The following SYCE1L variants were observed in gnomAD, a reference collection of about 807,000 sequenced individuals.
The protein encoded by SYCE1L is synaptonemal complex central element protein 1-like.
In SYCE1L, 51 loss-of-function variants were observed where a neutral mutation model predicts 39.6. The ratio of observed to expected loss-of-function variants is 1.29; its 90% CI spans 1.03 to 1.63. The LOEUF (loss-of-function observed/expected upper bound fraction) is 1.63, where lower values mean the gene tolerates loss of function less well. Ranked by LOEUF, SYCE1L falls within the 40% of genes most tolerant of loss-of-function variation. The probability of loss-of-function intolerance (pLI) is 0.00; values close to 1 mark genes in which losing one functional copy is unlikely to be tolerated. For synonymous variants in SYCE1L, 147 were observed against 122.4 expected (o/e 1.20, Z -1.33); for missense variants, 426 against 304.9 (o/e 1.40, Z -2.96).
At chr16:77,212,691 C>A in intron 10 of SYCE1L, 45 bp downstream of exon 10, 1 of 1,489,092 alleles carries the variant, frequency 6.7e-7, no homozygotes, top group South Asian at 1.3e-5. Flanking sequence ...GGGACCGAGT[C>A]AGGAGAGAGC....
At chr16:77,211,310 C>T (rs1332399554) in intron 7 of SYCE1L, 34 bp downstream of exon 7, 1 of 1,550,698 alleles carries the variant, frequency 6.4e-7, no homozygotes. Context: ...ACCAAAGCCA[C>T]TCCTCCCTGG....
chr16:77,201,870 G>T (rs1486892990), intron 1 of SYCE1L: 2 of 152,112 alleles, frequency 1.3e-5, no homozygotes, highest in Non-Finnish European at 2.9e-5. Context: ...AGCTCCAAAA[G>T]AGATCGTATT....
chr16:77,205,537 A>G (rs1352855343), intron 1 of SYCE1L, among the ~76,000 whole-genome samples: 2 of 151,834 alleles, frequency 1.3e-5, no homozygotes, highest in African/African-American at 4.8e-5. Flanking sequence ...TATATGCCTC[A>G]AGTCTTTTTT....
Position 77,212,372 on chromosome 16 carries a change from G to A in SYCE1L, c.581+3G>A. The A allele has an allele frequency of 2.6e-6, 4 of 1,528,262 alleles. No individual in the cohort carries two copies. Among genetic ancestry groups the A allele is most frequent in the Non-Finnish European group, 3.5e-6 (4 of 1,139,032 alleles). 94.7% of individuals were successfully genotyped at this position (1,528,262 alleles called of 1,614,324 possible). A position where few individuals can be genotyped will look rare whatever the true frequency, so the allele number is the denominator to read the frequency against. On this transcript the variant is annotated splice_donor_region_variant and intron_variant, in intron 9 of 10. Transcript: ENST00000378644. ...GGCGCCATGGCGGTGAATGACGGGT[G>A]AGAGGGGAAGGGAGGAGTGGGCGAG...
chr16:77,201,917 A>G (rs982421138), intron 1 of SYCE1L: 4 of 152,202 alleles, frequency 2.6e-5, no homozygotes, highest in Non-Finnish European at 4.4e-5. Context: ...TGAAACAAAA[A>G]TGGAGGGGGG....
At chr16:77,200,788 C>T (rs188150959) in intron 1 of SYCE1L, 6 of 144,304 alleles carry the variant, frequency 4.2e-5, no homozygotes, top group African/African-American at 1.5e-4. Flanking sequence ...AGAAAAAAAT[C>T]TCCCAAGGCA....
intron 7 of SYCE1L, 91 bp from the exon 8 acceptor site, chr16:77,212,039 T>G: frequency 2.2e-6 from 3 of 1,373,578 alleles, no homozygotes; most frequent in South Asian, 2.8e-5. Context: ...CTAATGTAGG[T>G]GAAGACTTCG....
chr16:77,201,371 C>G (rs1222314569), intron 1 of SYCE1L: 1 of 152,126 alleles, frequency 6.6e-6, no homozygotes, highest in Non-Finnish European at 1.5e-5. Context: ...AAAGTTATGA[C>G]TAACTTCACC....
intron 1 of SYCE1L, chr16:77,200,291 T>TATATATACATATATATATATATATATAC: frequency 4.5e-5 from 5 of 111,430 alleles, no homozygotes; most frequent in African/African-American, 1.7e-4. Flanking sequence ...TATATATATA[T>TATATATACATATATATATATATATATAC]ACACACACTA....
chr16:77,206,347 G>T, intron 1 of SYCE1L, 94 bp from the exon 2 acceptor site: 1 of 1,081,762 alleles, frequency 9.2e-7, no homozygotes, highest in East Asian at 2.6e-5. Flanking sequence ...CCCAGCCCAC[G>T]GGTGTCTGCA....
chr16:77,212,275 C>G lies in SYCE1L; in HGVS notation c.494-7C>G. The G allele has an allele frequency of 2.0e-6, 3 of 1,517,602 alleles. No individual in the cohort carries two copies. Among genetic ancestry groups the G allele is most frequent in the South Asian group, 2.5e-5 (2 of 80,480 alleles). 94.0% of individuals were successfully genotyped at this position (1,517,602 alleles called of 1,614,324 possible). A position where few individuals can be genotyped will look rare whatever the true frequency, so the allele number is the denominator to read the frequency against. On this transcript the variant is annotated splice_polypyrimidine_tract_variant and splice_region_variant and intron_variant, in intron 8 of 10. Transcript: ENST00000378644. ...CGGCCCTGCCCCTGACGCCCGCCCA[C>G]CGACAGGGAGGCTGGTGCGCGCCAA...
In SYCE1L at chr16:77,208,085, A is replaced by G. The variant is rs1375559467; in HGVS notation, c.122-125A>G. 8.1e-6 allele frequency: 8 copies of G among 982,604 alleles called. No individual in the cohort carries two copies. The Admixed American group carries it at 1.1e-4, about 14-fold the overall frequency. 60.9% of individuals were successfully genotyped at this position (982,604 alleles called of 1,614,324 possible). On this transcript the variant is annotated intron_variant, in intron 2 of 10. Transcript: ENST00000378644. ...CTTCAAGGGGCTCTGGCAGAGCTCAACACACAGCAGGCGCTCAATATATGC... is the reference window on the plus strand; with the variant it reads ...CTTCAAGGGGCTCTGGCAGAGCTCAGCACACAGCAGGCGCTCAATATATGC...
chr16:77,200,291 T>TATATATATATATATATATACACAC, intron 1 of SYCE1L: 79 of 111,406 alleles, frequency 7.1e-4, no homozygotes, highest in African/African-American at 2.5e-3. Flanking sequence ...TATATATATA[T>TATATATATATATATATATACACAC]ACACACACTA....
intron 1 of SYCE1L, among the ~76,000 whole-genome samples, chr16:77,203,305 T>G (rs912986497): frequency 1.3e-5 from 2 of 152,214 alleles, no homozygotes; most frequent in African/African-American, 2.4e-5. Context: ...TTCCTTTTTA[T>G]TTTATTCTTC....
In SYCE1L at chr16:77,212,446, C is replaced by T. The variant is rs2054831296; in HGVS notation, c.581+77C>T. 55 of 1,536,298 alleles carry T rather than the reference C, an allele frequency of 3.6e-5. No homozygotes were observed. The South Asian group carries it at 5.9e-4, about 16-fold the overall frequency. The stretch of plus-strand genomic sequence containing the variant: ...GAACCCGCCCAGGTCCCCCGCTCCG[C>T]CCCCGACTGCCGCTTCCCCGGCCTG... On this transcript the variant is annotated intron_variant, in intron 9 of 10. Transcript: ENST00000378644.
chr16:77,209,463 G>A lies in SYCE1L; in HGVS notation c.351G>A (p.Glu117=). ...TGCACTGCCAAGAGAAGGAAAGCGAGGCTCAGAGGTAAGAGGCCCTGCCTC... is the reference window on the plus strand; with the variant it reads ...TGCACTGCCAAGAGAAGGAAAGCGAAGCTCAGAGGTAAGAGGCCCTGCCTC... ...LQMHCQEKES[E]AQRLDVRGQL... is the part of the protein sequence containing the mutation. The change falls in exon 6 of 11, where the codon GAG becomes GAA. Residue 117 remains glutamate, a synonymous_variant. Coordinates refer to ENST00000378644, the MANE Select transcript of SYCE1L (RefSeq NM_001129979.3). The A allele has an allele frequency of 1.3e-6, 2 of 1,551,732 alleles. No homozygotes were observed. The highest frequency in any genetic ancestry group is 1.7e-6 in the Non-Finnish European group (2 of 1,147,012).
intron 2 of SYCE1L, among the ~76,000 whole-genome samples, chr16:77,207,719 C>CACT (rs2054795135): frequency 1.3e-5 from 2 of 152,268 alleles, no homozygotes; most frequent in South Asian, 4.1e-4. Flanking sequence ...TGCTACTCTC[C>CACT]ACTTGCTCAC....
chr16:77,204,624 C>T (rs1241045751), intron 1 of SYCE1L, among the ~76,000 whole-genome samples: 1 of 152,086 alleles, frequency 6.6e-6, no homozygotes, highest in African/African-American at 2.4e-5. Flanking sequence ...TTTGAAATTA[C>T]GGTATATCCA....
At chr16:77,203,427 A>G (rs1037081780) in intron 1 of SYCE1L, among the ~76,000 whole-genome samples, 3 of 151,196 alleles carry the variant, frequency 2.0e-5, no homozygotes, top group African/African-American at 7.3e-5. Flanking sequence ...AGGCCAAAAA[A>G]AAAAGATATA....
Sources: gnomAD v4.1 joint callset for allele counts (sites outside exome capture counted in the v4.1 genomes callset) on GRCh38, gnomAD v4.1.1 for gene constraint, MANE v1.5 for transcripts, NCBI Gene and HGNC (gene_info 2026-07-23, HGNC 2026-07-21) for gene names.